SMYD4: variants seen among roughly 807,000 people sequenced by gnomAD.
SMYD4 encodes SET and MYND domain containing 4, also known as protein-lysine N-methyltransferase SMYD4.
SMYD4 carries 68 observed loss-of-function variants against 72.8 expected under a neutral mutation model. That is an observed-to-expected ratio of 0.93 (90% CI 0.77 to 1.14). SMYD4 has a LOEUF of 1.14. Ranked by LOEUF, SMYD4 falls within the 50% of genes most tolerant of loss-of-function variation. The pLI is 0.00. For missense variants in SMYD4, 984 were observed against 1,003.7 expected, an observed-to-expected ratio of 0.98 and a Z score of 0.27; for synonymous variants, 407 against 388.6, an observed-to-expected ratio of 1.05 and a Z score of -0.56.
At chr17:1,823,098 C>T (rs985773262) in intron 2 of SMYD4, among the ~76,000 whole-genome samples, 5 of 151,282 alleles carry the variant, frequency 3.3e-5, no homozygotes, top group African/African-American at 9.7e-5. Flanking sequence ...TGGCCGGGCA[C>T]GGTGGCTCAC....
intron 2 of SMYD4, among the ~76,000 whole-genome samples, chr17:1,819,962 A>C (rs1367720311): frequency 2.0e-5 from 3 of 151,490 alleles, no homozygotes; most frequent in African/African-American, 7.3e-5. Context: ...TAATTTTTGC[A>C]TTTTTAGTAG....
At position 1,800,930 on chromosome 17, in the gene SMYD4, G is replaced by A; in HGVS notation, c.464C>T (p.Ala155Val). The A allele has an allele frequency of 3.7e-6, 6 of 1,614,186 alleles. No individual in the cohort carries two copies. Among genetic ancestry groups the A allele is most frequent in the Non-Finnish European group, 4.2e-6 (5 of 1,180,032 alleles). Reference sequence around the variant, plus strand: ...GCTTGCCTCCTGCAGTCTCCCCAGGGCCACCAGACATTCTGCTTTACGTAA... The same window carrying A: ...GCTTGCCTCCTGCAGTCTCCCCAGGACCACCAGACATTCTGCTTTACGTAA... ...IMLRKAECLV[A>V]LGRLQEASQT... The change falls in exon 5 of 11, where the codon GCC becomes GTC. Residue 155 changes from alanine to valine, a missense_variant. Coordinates refer to ENST00000305513, the MANE Select transcript of SMYD4 (RefSeq NM_052928.3).
At chr17:1,806,497 A>G (rs1467854735) in intron 3 of SMYD4, among the ~76,000 whole-genome samples, 1 of 152,234 alleles carries the variant, frequency 6.6e-6, no homozygotes, top group Non-Finnish European at 1.5e-5. Flanking sequence ...ACAGGAAAAT[A>G]GGCAATGATA....
intron 2 of SMYD4, among the ~76,000 whole-genome samples, chr17:1,816,147 C>A (rs1017524767): frequency 6.6e-6 from 1 of 152,170 alleles, no homozygotes; most frequent in African/African-American, 2.4e-5. Context: ...TCCTCCCTCT[C>A]CACATCCCCT....
rs182975841 is a variant in SMYD4, at chr17:1,787,764, G to A, written c.1538-160C>T. Reference sequence around the variant, plus strand: ...ATAAATCAGATGGGACATGACTCACGGCAAGCTCCAGTCCCCAGGAAGCAA... The same window carrying A: ...ATAAATCAGATGGGACATGACTCACAGCAAGCTCCAGTCCCCAGGAAGCAA... On this transcript the variant is annotated intron_variant, in intron 5 of 10. Transcript: ENST00000305513. 7.2e-5 allele frequency among the ~76,000 whole-genome samples: 11 copies of A among 152,244 alleles called. No homozygotes were observed. In the South Asian group the frequency reaches 1.0e-3, roughly 14 times the overall value.
chr17:1,811,192 C>A (rs980720456), intron 3 of SMYD4, among the ~76,000 whole-genome samples: 9 of 152,212 alleles, frequency 5.9e-5, no homozygotes, highest in African/African-American at 1.9e-4. Context: ...GGTCGGAGCC[C>A]CGCAGCCTGC....
In SMYD4 at chr17:1,800,376, G is replaced by A; in HGVS notation, c.1018C>T (p.Leu340=). 1.2e-6 allele frequency: 2 copies of A among 1,614,162 alleles called. No homozygotes were observed. Among genetic ancestry groups the A allele is most frequent in the South Asian group, 2.2e-5 (2 of 91,082 alleles). The change falls in exon 5 of 11, where the codon CTG becomes TTG. Residue 340 remains leucine, a synonymous_variant. Coordinates refer to ENST00000305513, the MANE Select transcript of SMYD4 (RefSeq NM_052928.3). ...CAAAAGACACCCAGTGTGAGAAGCA[G>A]CCCTCCCAGAGGACATTCTGTCCTG... ...YHRTECPLGG[L]LLTLGVFCHI... is the part of the protein sequence containing the mutation.
chr17:1,782,909 A>C (rs1418100205), intron 10 of SMYD4, 126 bp downstream of exon 10: 2 of 1,412,946 alleles, frequency 1.4e-6, no homozygotes, highest in Non-Finnish European at 1.9e-6. Context: ...GAAGGCAAAG[A>C]TCTCTCCTAA....
chr17:1,784,941 TTG>T (rs920201356), intron 7 of SMYD4, among the ~76,000 whole-genome samples: 3 of 143,136 alleles, frequency 2.1e-5, no homozygotes, highest in South Asian at 2.2e-4. Flanking sequence ...GGCTAAATTT[TTG>T]TGTGTGTTAT....
At chr17:1,801,094 C>T (rs1909723709) in intron 4 of SMYD4, 70 bp from the exon 5 acceptor site, 2 of 1,394,964 alleles carry the variant, frequency 1.4e-6, no homozygotes, top group African/African-American at 2.9e-5. Context: ...AAAATGTTTC[C>T]AAAAATCTAC....
chr17:1,784,823 G>A (rs991706862), intron 7 of SMYD4, among the ~76,000 whole-genome samples: 3 of 151,974 alleles, frequency 2.0e-5, no homozygotes, highest in Non-Finnish European at 2.9e-5. Context: ...AGGCTGGAGT[G>A]CAGTGGTGCG....
At chr17:1,794,005 A>ATG (rs1555575651) in intron 5 of SMYD4, among the ~76,000 whole-genome samples, 28 of 65,788 alleles carry the variant, frequency 4.3e-4, no homozygotes, top group East Asian at 8.8e-4. Context: ...GTATATATAT[A>ATG]TGTATATATA....
At chr17:1,784,089 A>G (rs1374720140) in intron 8 of SMYD4, among the ~76,000 whole-genome samples, 1 of 152,246 alleles carries the variant, frequency 6.6e-6, no homozygotes, top group African/African-American at 2.4e-5. Context: ...ACTTCAACTT[A>G]GCAATCAGAT....
chr17:1,791,448 T>C (rs1452698525), intron 5 of SMYD4, among the ~76,000 whole-genome samples: 2 of 151,960 alleles, frequency 1.3e-5, no homozygotes, highest in Non-Finnish European at 2.9e-5. Context: ...CTTTAATCCT[T>C]TGCCTGTACT....
Position 1,811,980 on chromosome 17 carries a change from C to T in SMYD4, c.270G>A (p.Leu90=), listed in dbSNP as rs1426185550. 6.2e-7 allele frequency: 1 copy of T among 1,613,702 alleles called. No homozygotes were observed. Residue 90 remains leucine, a synonymous_variant, in exon 3 of 11, where the codon CTG becomes CTA. Transcript: ENST00000305513. ...GCTGGGAGTGTTTTACCTTAGAGTA[C>T]AGCACTGCAGCTCCTGTGTAATCTT... The part of the protein sequence containing the change: ...QEKDYTGAAV[L]YSKGVSHSRP...
chr17:1,792,045 T>A (rs907550785), intron 5 of SMYD4, among the ~76,000 whole-genome samples: 31 of 149,552 alleles, frequency 2.1e-4, no homozygotes, highest in African/African-American at 6.7e-4. Context: ...AAAATACATT[T>A]TTTTTTTTTT....
At chr17:1,815,705 T>C (rs1434639181) in intron 2 of SMYD4, among the ~76,000 whole-genome samples, 1 of 68,436 alleles carries the variant, frequency 1.5e-5, no homozygotes, top group Non-Finnish European at 4.1e-5. Flanking sequence ...AGCAATCTAA[T>C]GTTTTTTTTT....
intron 3 of SMYD4, among the ~76,000 whole-genome samples, chr17:1,806,901 CT>C (rs923502605): frequency 1.3e-5 from 2 of 151,486 alleles, no homozygotes; most frequent in Non-Finnish European, 1.5e-5. Flanking sequence ...GGGTTTTTTT[CT>C]TTTTTTTAGA....
At chr17:1,811,929 A>G (rs766296108) in intron 3 of SMYD4, 42 bp downstream of exon 3, 2 of 1,602,002 alleles carry the variant, frequency 1.2e-6, no homozygotes, top group East Asian at 4.5e-5. Context: ...TCTGTCTCAG[A>G]GAAAAATAAA....
Sources: gnomAD v4.1 joint callset for allele counts (sites outside exome capture counted in the v4.1 genomes callset) on GRCh38, gnomAD v4.1.1 for gene constraint, MANE v1.5 for transcripts, NCBI Gene and HGNC (gene_info 2026-07-23, HGNC 2026-07-21) for gene names.